Variants in KDM4C observed in about 807,000 individuals in gnomAD.
KDM4C encodes the protein lysine-specific demethylase 4C.
KDM4C carries 81 observed loss-of-function variants against 129.3 expected under a neutral mutation model. The ratio of observed to expected loss-of-function variants is 0.63; its 90% confidence interval spans 0.52 to 0.75. KDM4C has a LOEUF of 0.75. Among genes scored for constraint, KDM4C ranks in the 30% least tolerant of loss-of-function variants. The pLI is 0.00. For missense variants in KDM4C, 1,457 were observed against 1,304.0 expected, an observed-to-expected ratio of 1.12 and a Z score of -1.81; for synonymous variants, 573 against 456.1, an observed-to-expected ratio of 1.26 and a Z score of -3.26.
chr9:7,043,311 A>T (rs554864176), intron 15 of KDM4C, among the ~76,000 whole-genome samples: 1 of 152,054 alleles, frequency 6.6e-6, no homozygotes, highest in East Asian at 1.9e-4. Context: ...AAATTCTTTC[A>T]TTGAAAGATT....
chr9:6,971,180 C>T (rs547925227), intron 8 of KDM4C, among the ~76,000 whole-genome samples: 1 of 152,042 alleles, frequency 6.6e-6, no homozygotes, highest in Admixed American at 6.5e-5. Flanking sequence ...GTAATCTTTG[C>T]TGTGATTATT....
chr9:7,128,379 C>G (rs1564153468), intron 19 of KDM4C, 143 bp downstream of exon 19: 4 of 565,866 alleles, frequency 7.1e-6, no homozygotes, highest in Non-Finnish European at 1.1e-5. Context: ...TAAATAATAT[C>G]CAGGTGAACT....
intron 17 of KDM4C, among the ~76,000 whole-genome samples, chr9:7,102,309 CTTTT>C (rs34614459): frequency 5.0e-4 from 45 of 89,978 alleles, no homozygotes; most frequent in East Asian, 4.0e-3. Context: ...ATGGTTTTCC[CTTTT>C]TTTTTTTTTT....
rs575312281 is a variant in KDM4C, at chr9:7,000,447, TAAGA to T, written c.1786+9928_1786+9931del. Among the ~76,000 whole-genome samples the T allele has an allele frequency of 8.5e-5, 13 of 152,340 alleles. No homozygotes were observed. In the South Asian group the frequency reaches 2.5e-3, roughly 29 times the overall value. The stretch of plus-strand genomic sequence containing the variant: ...TAAAAGCATGGAGATTGTAAGATGA[TAAGA>T]AAGAGTTTGAGTCTTTGGGTTCATG... On this transcript the variant is annotated intron_variant, in intron 12 of 21. Coordinates refer to ENST00000381309, the MANE Select transcript of KDM4C (RefSeq NM_015061.6).
intron 17 of KDM4C, among the ~76,000 whole-genome samples, chr9:7,068,784 T>C (rs923248148): frequency 4.0e-5 from 6 of 148,670 alleles, no homozygotes; most frequent in South Asian, 2.2e-4. Context: ...GCATCCTCCT[T>C]CTCCCAGGTT....
At chr9:7,051,494 T>C (rs536241308) in intron 17 of KDM4C, among the ~76,000 whole-genome samples, 67 of 152,242 alleles carry the variant, frequency 4.4e-4, no homozygotes, top group African/African-American at 1.6e-3. Flanking sequence ...TATGTCGTGT[T>C]AAGGGTACAC....
chr9:6,965,754 T>G (rs1362631257), intron 8 of KDM4C, among the ~76,000 whole-genome samples: 1 of 152,302 alleles, frequency 6.6e-6, no homozygotes, highest in African/African-American at 2.4e-5. Flanking sequence ...TTTCAGCTTG[T>G]TAGATGGAGC....
rs538481147 is a variant in KDM4C at position 7,000,992 on chromosome 9, T to C, written c.1786+10468T>C. On this transcript the variant is annotated intron_variant, in intron 12 of 21. Coordinates refer to ENST00000381309, the MANE Select transcript of KDM4C (RefSeq NM_015061.6). Reference sequence around the variant, plus strand: ...GTCCTGGCTGGCAACATTCTACAGGTTGGCATTTGTGCACGTTGGTCATGG... The same window carrying C: ...GTCCTGGCTGGCAACATTCTACAGGCTGGCATTTGTGCACGTTGGTCATGG... 1.7e-4 allele frequency among the ~76,000 whole-genome samples: 26 copies of C among 152,354 alleles called. 1 individual carries two copies. Among genetic ancestry groups the C allele is most frequent in the Admixed American group, 1.3e-3 (20 of 15,308 alleles).
At chr9:6,972,155 G>C (rs1331956812) in intron 8 of KDM4C, among the ~76,000 whole-genome samples, 2 of 152,074 alleles carry the variant, frequency 1.3e-5, no homozygotes, top group African/African-American at 4.8e-5. Context: ...AAGATCAAGA[G>C]AGTGAGAGAT....
intron 17 of KDM4C, among the ~76,000 whole-genome samples, chr9:7,096,507 C>T (rs891003995): frequency 6.6e-6 from 1 of 152,248 alleles, no homozygotes; most frequent in South Asian, 2.1e-4. Flanking sequence ...GTGACTTGCC[C>T]TTATTCCTGT....
chr9:6,909,747 G>A (rs1251263654), intron 8 of KDM4C, among the ~76,000 whole-genome samples: 1 of 152,102 alleles, frequency 6.6e-6, no homozygotes, highest in Non-Finnish European at 1.5e-5. Flanking sequence ...GACAGCAAAA[G>A]AGGGTGAGGA....
At chr9:7,171,556 C>G (rs1369082541) in intron 21 of KDM4C, among the ~76,000 whole-genome samples, 2 of 152,126 alleles carry the variant, frequency 1.3e-5, no homozygotes, top group African/African-American at 2.4e-5. Context: ...GGTAGCCTCT[C>G]AAAGTCTCTT....
chr9:7,130,963 C>T (rs7035101), intron 19 of KDM4C, among the ~76,000 whole-genome samples: 1 of 149,130 alleles, frequency 6.7e-6, no homozygotes, highest in African/African-American at 2.5e-5. Flanking sequence ...GAGATGGTGT[C>T]GAACTGCGTT....
chr9:7,074,490 C>A (rs907137730), intron 17 of KDM4C, among the ~76,000 whole-genome samples: 2 of 152,098 alleles, frequency 1.3e-5, no homozygotes, highest in African/African-American at 4.8e-5. Flanking sequence ...TTTATATAAT[C>A]TATTCTTGAA....
chr9:7,050,639 C>T lies in KDM4C; in HGVS notation c.2424+1439C>T, dbSNP rs140892300. Among the ~76,000 whole-genome samples the T allele has an allele frequency of 3.3e-5, 5 of 151,926 alleles. No homozygotes were observed. The East Asian group carries it at 7.7e-4, about 24-fold the overall frequency. ...ATAGATATTTGTCAAAATTCTACAC[C>T]ACCTTTTAAAATCACCTTTGTTTCT... On this transcript the variant is annotated intron_variant, in intron 17 of 21. Coordinates refer to ENST00000381309, the MANE Select transcript of KDM4C (RefSeq NM_015061.6).
intron 20 of KDM4C, among the ~76,000 whole-genome samples, chr9:7,165,879 T>C (rs1419200864): frequency 6.6e-6 from 1 of 152,222 alleles, no homozygotes; most frequent in African/African-American, 2.4e-5. Flanking sequence ...GGAATGCTTG[T>C]TTAAATGAAA....
chr9:6,986,537 A>G lies in KDM4C; in HGVS notation c.1548A>G (p.Ser516=). 1 of 1,614,130 alleles carries G rather than the reference A, an allele frequency of 6.2e-7. No homozygotes were observed. Among genetic ancestry groups the G allele is most frequent in the Non-Finnish European group, 8.5e-7 (1 of 1,180,020 alleles). The change falls in exon 11 of 22, where the codon TCA becomes TCG. Residue 516 remains serine, a synonymous_variant. Transcript: ENST00000381309. ...SWPKSPESCS[S]VAESNGVLTE... ...CAAAGTCACCTGAGTCATGCTCATC[A>G]GTGGCAGAGAGTAATGGTGTGTTAA... is the stretch of plus-strand genomic sequence containing the variant.
chr9:7,071,515 G>T (rs577160889), intron 17 of KDM4C, among the ~76,000 whole-genome samples: 1 of 152,098 alleles, frequency 6.6e-6, no homozygotes, highest in Non-Finnish European at 1.5e-5. Flanking sequence ...TTCAGTAAAA[G>T]TTCCAAGGCA....
At chr9:6,832,043 A>G (rs777332396) in intron 4 of KDM4C, among the ~76,000 whole-genome samples, 66 of 152,208 alleles carry the variant, frequency 4.3e-4, no homozygotes, top group Non-Finnish European at 6.8e-4. Context: ...TACAGTTTAA[A>G]TAGTTGAATT....
Sources: allele counts gnomAD v4.1 joint callset (sites outside exome capture counted in the v4.1 genomes callset), GRCh38; gene constraint gnomAD v4.1.1; transcripts MANE v1.5; gene names NCBI Gene and HGNC (gene_info 2026-07-23, HGNC 2026-07-21).